Variants in ANK3 observed in about 807,000 individuals in gnomAD.
The protein encoded by ANK3 is ankyrin 3.
Under a neutral mutation model 370.9 loss-of-function variants are expected in ANK3, and 57 were observed. The ratio of observed to expected loss-of-function variants is 0.15; its 90% confidence interval spans 0.12 to 0.19. The LOEUF (loss-of-function observed/expected upper bound fraction) is 0.19. ANK3 is among the 10% of genes least tolerant of loss of function. The probability of loss-of-function intolerance (pLI) is 1.00; values close to 1 mark genes in which losing one functional copy is unlikely to be tolerated. For missense variants in ANK3, 4,439 were observed against 5,302.1 expected (o/e 0.84, Z 5.06); for synonymous variants, 1,929 against 1,946.3 (o/e 0.99, Z 0.23).
intron 43 of ANK3, among the ~76,000 whole-genome samples, chr10:60,032,074 G>A (rs1056523653): frequency 7.9e-5 from 12 of 151,728 alleles, no homozygotes; most frequent in African/African-American, 2.7e-4. Context: ...TTCTTAGATG[G>A]TCCTATGATA....
intron 23 of ANK3, among the ~76,000 whole-genome samples, chr10:60,149,180 C>G (rs1203940679): frequency 6.6e-6 from 1 of 152,208 alleles, no homozygotes. Flanking sequence ...ACACATGAGG[C>G]CTGTCCTCAG....
intron 24 of ANK3, among the ~76,000 whole-genome samples, chr10:60,135,981 A>G (rs1056063402): frequency 6.6e-5 from 10 of 151,476 alleles, no homozygotes; most frequent in African/African-American, 2.4e-4. Context: ...TTACTAAAAG[A>G]CCATTATAAG....
intron 28 of ANK3, among the ~76,000 whole-genome samples, chr10:60,096,523 C>T (rs1287410729): frequency 6.6e-6 from 1 of 152,204 alleles, no homozygotes; most frequent in Non-Finnish European, 1.5e-5. Context: ...AAGAAACAAT[C>T]GTACTACATG....
intron 23 of ANK3, among the ~76,000 whole-genome samples, chr10:60,147,899 G>C (rs1397352553): frequency 1.3e-5 from 2 of 152,212 alleles, no homozygotes; most frequent in Non-Finnish European, 2.9e-5. Context: ...ATAGCAGTGT[G>C]AGAATGGACT....
chr10:60,288,757 A>G (rs1332809082), intron 1 of ANK3, among the ~76,000 whole-genome samples: 1 of 152,076 alleles, frequency 6.6e-6, no homozygotes, highest in Non-Finnish European at 1.5e-5. Context: ...GAGGAGTGAA[A>G]AGACATCATT....
At chr10:60,204,144 T>C (rs2096725904) in intron 11 of ANK3, among the ~76,000 whole-genome samples, 1 of 152,218 alleles carries the variant, frequency 6.6e-6, no homozygotes, top group African/African-American at 2.4e-5. Context: ...TAATTCCGGC[T>C]GTCCAGAATT....
intron 1 of ANK3, among the ~76,000 whole-genome samples, chr10:60,716,939 G>A (rs1440564608): frequency 1.3e-5 from 2 of 152,158 alleles, no homozygotes; most frequent in African/African-American, 4.8e-5. Flanking sequence ...GAGTAGCCAG[G>A]CTCATAAGAA....
At chr10:60,300,471 G>A (rs2043451847) in intron 1 of ANK3, 1 of 1,282,238 alleles carries the variant, frequency 7.8e-7, no homozygotes, top group Non-Finnish European at 1.0e-6. Flanking sequence ...TCCTAGGAAG[G>A]AGGTAGGAGC....
intron 25 of ANK3, among the ~76,000 whole-genome samples, chr10:60,130,479 C>G (rs534179731): frequency 2.7e-4 from 41 of 152,164 alleles, no homozygotes; most frequent in Non-Finnish European, 5.4e-4. Flanking sequence ...TGGGCAATGA[C>G]AGTGCAGTTT....
chr10:60,324,178 A>T (rs898107727), intron 1 of ANK3, among the ~76,000 whole-genome samples: 2 of 152,232 alleles, frequency 1.3e-5, no homozygotes, highest in African/African-American at 2.4e-5. Flanking sequence ...TGCTGGAGTG[A>T]TGTCCTAGAG....
intron 2 of ANK3, among the ~76,000 whole-genome samples, chr10:60,569,086 C>T (rs770153836): frequency 1.6e-4 from 24 of 151,876 alleles, no homozygotes; most frequent in Admixed American, 1.3e-3. Flanking sequence ...AATACAGATG[C>T]TAAAGAAAAA....
chr10:60,656,918 T>G (rs977671599), intron 1 of ANK3, among the ~76,000 whole-genome samples: 18 of 151,808 alleles, frequency 1.2e-4, no homozygotes, highest in African/African-American at 3.4e-4. Context: ...CCATCTTGCC[T>G]GGCTAATTGT....
chr10:60,319,482 T>C lies in ANK3; in HGVS notation c.115-39843A>G, dbSNP rs1202909830. ...AGCCTGGGGAAAAACAACTGGATAGTAAGATAGAATTTGTTATAAAGAAAT... is the reference window on the plus strand; with the variant it reads ...AGCCTGGGGAAAAACAACTGGATAGCAAGATAGAATTTGTTATAAAGAAAT... On this transcript the variant is annotated intron_variant, in intron 1 of 43. Transcript: ENST00000280772. 2.0e-5 allele frequency among the ~76,000 whole-genome samples: 3 copies of C among 152,166 alleles called. No individual in the cohort carries two copies. The East Asian group carries it at 5.8e-4, about 29-fold the overall frequency.
Position 60,541,151 on chromosome 10 carries a change from T to G in ANK3, c.96+74035A>C, listed in dbSNP as rs115291680. The stretch of plus-strand genomic sequence containing the variant: ...CTTCAGGAAAGAACATATAATATTA[T>G]CTTAGGTCAAAAATAAGCACGTATG... On this transcript the variant is annotated intron_variant, in intron 2 of 43. Coordinates refer to the ANK3 transcript ENST00000373827. 5.8e-3 allele frequency among the ~76,000 whole-genome samples: 889 copies of G among 151,996 alleles called. 10 individuals are homozygous for G. The highest frequency in any genetic ancestry group is 0.02 in the African/African-American group (848 of 41,532).
At chr10:60,486,488 G>A (rs1385727044) in intron 2 of ANK3, among the ~76,000 whole-genome samples, 1 of 152,192 alleles carries the variant, frequency 6.6e-6, no homozygotes, top group African/African-American at 2.4e-5. Flanking sequence ...GCTGAGGCAG[G>A]AGAATCACTT....
At chr10:60,483,463 T>C (rs2075274904) in intron 2 of ANK3, among the ~76,000 whole-genome samples, 1 of 152,158 alleles carries the variant, frequency 6.6e-6, no homozygotes, top group Non-Finnish European at 1.5e-5. Context: ...TTGCCGCCCA[T>C]TTTCTTCTTT....
chr10:60,127,888 G>A (rs573179659), intron 25 of ANK3, among the ~76,000 whole-genome samples: 2 of 151,860 alleles, frequency 1.3e-5, no homozygotes, highest in African/African-American at 4.8e-5. Flanking sequence ...TAGTACAGAC[G>A]GGGTTTCACC....
chr10:60,439,044 T>C (rs1334874251), intron 2 of ANK3, among the ~76,000 whole-genome samples: 1 of 152,174 alleles, frequency 6.6e-6, no homozygotes, highest in Non-Finnish European at 1.5e-5. Context: ...TCTCATAACA[T>C]GATCCTAAAC....
intron 8 of ANK3, among the ~76,000 whole-genome samples, chr10:60,228,785 A>C (rs538447890): frequency 1.4e-4 from 22 of 152,284 alleles, no homozygotes; most frequent in African/African-American, 3.8e-4. Flanking sequence ...AACATACATT[A>C]AGAAACAGTA....
Sources: gnomAD v4.1 joint callset for allele counts (sites outside exome capture counted in the v4.1 genomes callset) on GRCh38, gnomAD v4.1.1 for gene constraint, MANE v1.5 for transcripts, NCBI Gene and HGNC (gene_info 2026-07-23, HGNC 2026-07-21) for gene names.